Variants in STPG2 observed in about 807,000 individuals in gnomAD.
The protein encoded by STPG2 is sperm tail PG-rich repeat containing 2.
A neutral mutation model predicts 54.2 loss-of-function variants in STPG2; 56 were observed. The observed-to-expected ratio is 1.03, with a 90% confidence interval of 0.83 to 1.29. The LOEUF is 1.29. STPG2 is among the 50% of genes most tolerant of loss of function. STPG2 has a pLI of 0.00. For synonymous variants in STPG2, 200 were observed against 181.8 expected, an observed-to-expected ratio of 1.10 and a Z score of -0.81; for missense variants, 596 against 544.9, an observed-to-expected ratio of 1.09 and a Z score of -0.93.
intron 9 of STPG2, among the ~76,000 whole-genome samples, chr4:97,725,918 C>T (rs1436323571): frequency 6.6e-6 from 1 of 151,516 alleles, no homozygotes; most frequent in African/African-American, 2.4e-5. Flanking sequence ...CTTAAGTCCC[C>T]CACAAAGGAA....
chr4:98,091,016 C>A (rs1308832264), intron 5 of STPG2, among the ~76,000 whole-genome samples: 1 of 151,428 alleles, frequency 6.6e-6, no homozygotes, highest in Non-Finnish European at 1.5e-5. Context: ...CTTCTTATAT[C>A]CTCTCTGTCC....
intron 8 of STPG2, among the ~76,000 whole-genome samples, chr4:97,847,969 C>G (rs1218549146): frequency 6.6e-6 from 1 of 152,170 alleles, no homozygotes; most frequent in Non-Finnish European, 1.5e-5. Flanking sequence ...GGCAGTTGTA[C>G]TAACTGCTTA....
intron 9 of STPG2, among the ~76,000 whole-genome samples, chr4:97,743,732 T>C (rs1439982804): frequency 6.6e-6 from 1 of 151,686 alleles, no homozygotes; most frequent in Admixed American, 6.6e-5. Flanking sequence ...TATATGCCTG[T>C]AATGCAAGAT....
At chr4:97,466,117 G>A (rs936609612) in intron 4 of STPG2, among the ~76,000 whole-genome samples, 7 of 151,888 alleles carry the variant, frequency 4.6e-5, no homozygotes, top group Admixed American at 3.3e-4. Context: ...ATACCAAAAG[G>A]TAATAAAAAA....
At chr4:97,694,512 G>A (rs1723496614) in intron 10 of STPG2, among the ~76,000 whole-genome samples, 1 of 151,920 alleles carries the variant, frequency 6.6e-6, no homozygotes, top group Non-Finnish European at 1.5e-5. Flanking sequence ...AATGGTACTT[G>A]AAAAGTTACC....
intron 7 of STPG2, among the ~76,000 whole-genome samples, chr4:97,965,862 G>T (rs1339299714): frequency 1.3e-5 from 2 of 152,112 alleles, no homozygotes; most frequent in African/African-American, 4.8e-5. Context: ...CTATCTGTAG[G>T]TCACCAACAT....
At chr4:97,971,711 T>A (rs1734332310) in intron 7 of STPG2, among the ~76,000 whole-genome samples, 3 of 152,072 alleles carry the variant, frequency 2.0e-5, no homozygotes, top group African/African-American at 7.2e-5. Context: ...GATGAGTTGA[T>A]GGGTGCAGGA....
chr4:97,622,676 A>C (rs1327284290), intron 10 of STPG2, among the ~76,000 whole-genome samples: 2 of 152,172 alleles, frequency 1.3e-5, no homozygotes, highest in African/African-American at 4.8e-5. Flanking sequence ...TAATGTTCAA[A>C]TGGCCATACC....
chr4:97,850,646 A>G (rs1455634163), intron 8 of STPG2, among the ~76,000 whole-genome samples: 2 of 151,810 alleles, frequency 1.3e-5, no homozygotes, highest in Non-Finnish European at 1.5e-5. Context: ...AATAAAGAAG[A>G]GAAAGGGTAA....
At chr4:97,727,255 TC>T (rs1164356804) in intron 9 of STPG2, among the ~76,000 whole-genome samples, 1 of 151,904 alleles carries the variant, frequency 6.6e-6, no homozygotes, top group Non-Finnish European at 1.5e-5. Context: ...ATCTCATGAT[TC>T]CATATTAGTT....
At chr4:97,930,025 G>A (rs1019369752) in intron 8 of STPG2, among the ~76,000 whole-genome samples, 5 of 151,910 alleles carry the variant, frequency 3.3e-5, no homozygotes, top group East Asian at 1.9e-4. Context: ...TCAGCCTCCC[G>A]ATACCTGGGA....
intron 9 of STPG2, among the ~76,000 whole-genome samples, chr4:97,786,570 A>AGTT (rs1726830282): frequency 6.6e-6 from 1 of 152,120 alleles, no homozygotes; most frequent in East Asian, 1.9e-4. Context: ...AATTTTCAGA[A>AGTT]ATAAACAACG....
intron 8 of STPG2, among the ~76,000 whole-genome samples, chr4:97,880,395 C>A (rs143076334): frequency 1.5e-4 from 23 of 152,170 alleles, no homozygotes; most frequent in African/African-American, 5.5e-4. Flanking sequence ...AATAGAAAGT[C>A]GTACAGAATG....
intron 8 of STPG2, among the ~76,000 whole-genome samples, chr4:97,911,735 G>A (rs956994446): frequency 6.6e-6 from 1 of 152,154 alleles, no homozygotes; most frequent in Non-Finnish European, 1.5e-5. Context: ...AGGTCTTCAC[G>A]GTTCAGCAGA....
intron 5 of STPG2, among the ~76,000 whole-genome samples, chr4:98,005,329 T>C (rs1268819449): frequency 6.6e-6 from 1 of 152,128 alleles, no homozygotes; most frequent in East Asian, 1.9e-4. Flanking sequence ...CTAGGAACAA[T>C]ACTTTGCATC....
intron 10 of STPG2, among the ~76,000 whole-genome samples, chr4:97,661,275 AC>A (rs1429237572): frequency 2.0e-5 from 3 of 152,174 alleles, no homozygotes; most frequent in African/African-American, 7.2e-5. Flanking sequence ...AACTAGAGAT[AC>A]CTGGCTTTGC....
chr4:97,721,427 C>T (rs1361812853), intron 9 of STPG2, among the ~76,000 whole-genome samples: 1 of 152,038 alleles, frequency 6.6e-6, no homozygotes, highest in Admixed American at 6.6e-5. Flanking sequence ...GGAGCATATC[C>T]TATTTCAAAT....
At chr4:97,900,862 CA>C (rs777173661) in intron 8 of STPG2, among the ~76,000 whole-genome samples, 2 of 151,988 alleles carry the variant, frequency 1.3e-5, no homozygotes, top group Non-Finnish European at 2.9e-5. Flanking sequence ...ATCTTTACAA[CA>C]AACCTCTGTG....
chr4:97,807,175 T>C (rs906268273), intron 9 of STPG2, among the ~76,000 whole-genome samples: 1 of 151,208 alleles, frequency 6.6e-6, no homozygotes. Context: ...TATATTATAT[T>C]AATAATATAA....
Sources: allele counts gnomAD v4.1 joint callset (sites outside exome capture counted in the v4.1 genomes callset), GRCh38; gene constraint gnomAD v4.1.1; transcripts MANE v1.5; gene names NCBI Gene and HGNC (gene_info 2026-07-23, HGNC 2026-07-21).